NFIB: variants seen among roughly 807,000 people sequenced by gnomAD.
NFIB encodes nuclear factor 1 B-type.
NFIB carries 11 observed loss-of-function variants against 61.5 expected under a neutral mutation model. That is an observed-to-expected ratio of 0.18 (90% CI 0.11 to 0.30). The LOEUF (loss-of-function observed/expected upper bound fraction) is 0.30, where lower values mean the gene tolerates loss of function less well. Ranked by LOEUF, NFIB falls within the 10% of genes least tolerant of loss-of-function variation. The pLI, the probability that NFIB is intolerant of heterozygous loss-of-function variation, is 1.00. For synonymous variants in NFIB, 260 were observed against 216.5 expected, an observed-to-expected ratio of 1.20 and a Z score of -1.76; for missense variants, 471 against 608.9, an observed-to-expected ratio of 0.77 and a Z score of 2.38.
At chr9:14,229,044 G>C (rs898927731) in intron 2 of NFIB, among the ~76,000 whole-genome samples, 2 of 149,036 alleles carry the variant, frequency 1.3e-5, no homozygotes, top group Non-Finnish European at 3.0e-5. Context: ...AAAAAAAACA[G>C]TAGTAGAGAA....
At chr9:14,310,205 G>T (rs182960159) in intron 1 of NFIB, among the ~76,000 whole-genome samples, 16 of 152,118 alleles carry the variant, frequency 1.1e-4, no homozygotes, top group Admixed American at 2.0e-4. Flanking sequence ...GTTTTTAAAC[G>T]TTCCTTTGAC....
Position 14,382,654 on chromosome 9 carries a change from G to A in NFIB, c.108+15870C>T, listed in dbSNP as rs73641917. Among the ~76,000 whole-genome samples, 688 of 152,198 alleles carry A rather than the reference G, an allele frequency of 4.5e-3. 3 individuals carry two copies. The highest frequency in any genetic ancestry group is 0.015 in the African/African-American group (636 of 41,512). The stretch of plus-strand genomic sequence containing the variant: ...CTCTTGCACGAGGGTAGCAGGTTAC[G>A]TGTGCAAGGAAGCTCCTAGCAGCAC... On this transcript the variant is annotated intron_variant, in intron 1 of 8. Transcript: ENST00000380934.
chr9:14,226,075 A>G (rs1346533715), intron 2 of NFIB, among the ~76,000 whole-genome samples: 1 of 151,028 alleles, frequency 6.6e-6, no homozygotes, highest in Non-Finnish European at 1.5e-5. Context: ...GGTATGTACT[A>G]TACATTTTAA....
At chr9:14,210,740 G>A (rs61249449) in intron 2 of NFIB, among the ~76,000 whole-genome samples, 13,850 of 151,988 alleles carry the variant, frequency 0.091, 2,109 homozygotes, top group African/African-American at 0.31. Flanking sequence ...ATCATTCACT[G>A]TTTTAATTTG....
At chr9:14,412,563 T>G in the NFIB span, among the ~76,000 whole-genome samples, 2 of 152,172 alleles carry the variant, frequency 1.3e-5, no homozygotes, top group African/African-American at 4.8e-5. Flanking sequence ...AAATTCCCCA[T>G]GAGTCAAGTC....
chr9:14,397,142 T>G (rs1298996042), intron 1 of NFIB, among the ~76,000 whole-genome samples: 1 of 152,144 alleles, frequency 6.6e-6, no homozygotes, highest in African/African-American at 2.4e-5. Context: ...AAAAGCCCAC[T>G]GATATTAGAT....
intron 1 of NFIB, among the ~76,000 whole-genome samples, chr9:14,322,921 G>C (rs968249441): frequency 1.3e-5 from 2 of 152,182 alleles, no homozygotes; most frequent in Non-Finnish European, 2.9e-5. Flanking sequence ...GTGTGTCTGC[G>C]GCGCGCCGCG....
chr9:14,368,132 T>C (rs558020304), intron 1 of NFIB, among the ~76,000 whole-genome samples: 18 of 139,774 alleles, frequency 1.3e-4, no homozygotes, highest in Non-Finnish European at 2.4e-4. Flanking sequence ...GTATCTTACG[T>C]GTAAAGTAAG....
chr9:14,201,560 T>C (rs1297581846), intron 2 of NFIB, among the ~76,000 whole-genome samples: 1 of 152,220 alleles, frequency 6.6e-6, no homozygotes, highest in South Asian at 2.1e-4. Context: ...CCCCATCTAA[T>C]GAGACCACCC....
chr9:14,082,446 T>C lies in NFIB; in HGVS notation c.*5863A>G, dbSNP rs2032103411. On this transcript the variant is annotated 3_prime_UTR_variant, in exon 11 of 11. Coordinates refer to ENST00000380953, the MANE Select transcript of NFIB (RefSeq NM_001190737.2). ...TTCCCAGGATGCTAAAAGTTCTATA[T>C]GATATAAGCACAAATTAACAGCTTG... is the stretch of plus-strand genomic sequence containing the variant. 2 of 203,906 alleles carry C rather than the reference T, an allele frequency of 9.8e-6. No homozygotes were observed. The highest frequency in any genetic ancestry group is 2.3e-5 in the African/African-American group (1 of 43,610). The allele number at this position is 203,906 out of a possible 1,614,324, so 12.6% of individuals were successfully genotyped here. A position where few individuals can be genotyped will look rare whatever the true frequency, so the allele number is the denominator to read the frequency against.
At chr9:14,323,175 A>G (rs558143275) in intron 1 of NFIB, among the ~76,000 whole-genome samples, 1 of 152,162 alleles carries the variant, frequency 6.6e-6, no homozygotes, top group Non-Finnish European at 1.5e-5. Flanking sequence ...ACTTTGACTT[A>G]TATTGATAGG....
intron 2 of NFIB, among the ~76,000 whole-genome samples, chr9:14,237,763 AGTGTGTGTGTGTGTGTGT>A (rs71321971): frequency 0.067 from 5,681 of 85,054 alleles, 258 homozygotes; most frequent in African/African-American, 0.17. Flanking sequence ...TAGGTATAAC[AGTGTGTGTGTGTGTGTGT>A]GTGTGTGTGT....
At chr9:14,223,241 T>G (rs1298205618) in intron 2 of NFIB, among the ~76,000 whole-genome samples, 2 of 152,186 alleles carry the variant, frequency 1.3e-5, no homozygotes, top group Non-Finnish European at 2.9e-5. Flanking sequence ...AGCAGGGACT[T>G]CCTGACAGAA....
In NFIB at chr9:14,083,559, A is replaced by G. The variant is rs954066949; in HGVS notation, c.*4750T>C. The G allele has an allele frequency of 8.8e-6, 2 of 227,228 alleles. No homozygotes were observed. The highest frequency in any genetic ancestry group is 1.8e-4 in the South Asian group (1 of 5,466). The allele number at this position is 227,228 out of a possible 1,614,324, so 14.1% of individuals were successfully genotyped here. ...GAAAGCATGCAGCTGGTTAATGTTAACAAAAGACCTTGACAGGAACATGTA... is the reference window on the plus strand; with the variant it reads ...GAAAGCATGCAGCTGGTTAATGTTAGCAAAAGACCTTGACAGGAACATGTA... On this transcript the variant is annotated 3_prime_UTR_variant, in exon 11 of 11. Coordinates refer to ENST00000380953, the MANE Select transcript of NFIB (RefSeq NM_001190737.2).
intron 1 of NFIB, among the ~76,000 whole-genome samples, chr9:14,398,008 T>A (rs79845245): frequency 2.0e-5 from 3 of 152,134 alleles, no homozygotes; most frequent in African/African-American, 7.2e-5. Context: ...TGCTCCAGGC[T>A]CCATGTAATG....
intron 2 of NFIB, among the ~76,000 whole-genome samples, chr9:14,211,377 G>A (rs2050288199): frequency 6.6e-6 from 1 of 152,076 alleles, no homozygotes; most frequent in African/African-American, 2.4e-5. Flanking sequence ...AAACAGCAAG[G>A]AAATGCACAG....
intron 3 of NFIB, among the ~76,000 whole-genome samples, chr9:14,166,038 A>T (rs2044750019): frequency 6.6e-6 from 1 of 152,210 alleles, no homozygotes; most frequent in South Asian, 2.1e-4. Context: ...AATGCAGTCT[A>T]AAATTTTGGA....
chr9:14,099,679 C>T (rs916252219), intron 10 of NFIB, among the ~76,000 whole-genome samples: 2 of 152,204 alleles, frequency 1.3e-5, no homozygotes, highest in Non-Finnish European at 2.9e-5. Context: ...TTTAGCACAG[C>T]TCACCATAAA....
At chr9:14,489,096 G>A in the NFIB span, among the ~76,000 whole-genome samples, 2 of 152,166 alleles carry the variant, frequency 1.3e-5, no homozygotes, top group African/African-American at 4.8e-5. Context: ...TCCTCCAGCG[G>A]AAAGAATACT....
Sources: allele counts gnomAD v4.1 joint callset (sites outside exome capture counted in the v4.1 genomes callset), GRCh38; gene constraint gnomAD v4.1.1; transcripts MANE v1.5; gene names NCBI Gene and HGNC (gene_info 2026-07-23, HGNC 2026-07-21).